Variants in MACROD2 observed in about 807,000 individuals in gnomAD.
MACROD2 encodes the protein mono-ADP ribosylhydrolase 2, also known as ADP-ribose glycohydrolase MACROD2.
In MACROD2, 36 loss-of-function variants were observed where a neutral mutation model predicts 70.4. The observed-to-expected ratio is 0.51, with a 90% CI of 0.39 to 0.68. MACROD2 has a LOEUF of 0.68. Ranked by LOEUF, MACROD2 falls within the 30% of genes least tolerant of loss-of-function variation. The pLI, the probability that MACROD2 is intolerant of heterozygous loss-of-function variation, is 0.00. For missense variants in MACROD2, 496 were observed against 538.4 expected (o/e 0.92, Z 0.78); for synonymous variants, 172 against 178.8 (o/e 0.96, Z 0.30).
Position 15,346,255 on chromosome 20 carries a change from T to C in MACROD2, c.541-85150T>C, listed in dbSNP as rs151222055. Among the ~76,000 whole-genome samples the C allele has an allele frequency of 2.4e-3, 362 of 152,262 alleles. 2 individuals carry two copies. The highest frequency in any genetic ancestry group is 3.4e-3 in the Admixed American group (52 of 15,276). On this transcript the variant is annotated intron_variant, in intron 6 of 17. Coordinates refer to ENST00000684519, the MANE Select transcript of MACROD2 (RefSeq NM_001351661.2). ...GCATGAACCAAAAGGTAGATATCTT[T>C]AAACACTAGGTTGGGTTTTGGGAGC... is the stretch of plus-strand genomic sequence containing the variant.
intron 3 of MACROD2, among the ~76,000 whole-genome samples, chr20:14,194,908 G>C (rs2081417345): frequency 6.6e-6 from 1 of 152,076 alleles, no homozygotes; most frequent in African/African-American, 2.4e-5. Flanking sequence ...TGCAATTCAG[G>C]TGAGAGAATA....
chr20:14,784,078 A>C (rs1259262800), intron 5 of MACROD2, among the ~76,000 whole-genome samples: 1 of 152,056 alleles, frequency 6.6e-6, no homozygotes, highest in Non-Finnish European at 1.5e-5. Flanking sequence ...GATGTCCTGA[A>C]ACATCATCTA....
chr20:15,100,744 A>G (rs1353345178), intron 5 of MACROD2, among the ~76,000 whole-genome samples: 2 of 152,176 alleles, frequency 1.3e-5, no homozygotes, highest in South Asian at 2.1e-4. Context: ...TCTGCAGATC[A>G]GAGCTCTGTG....
chr20:15,319,473 A>T (rs766229686), intron 6 of MACROD2, among the ~76,000 whole-genome samples: 2 of 152,220 alleles, frequency 1.3e-5, no homozygotes, highest in Non-Finnish European at 2.9e-5. Flanking sequence ...AATAGCATTA[A>T]TCCAAAATCT....
chr20:14,984,109 C>G (rs763206767), intron 5 of MACROD2, among the ~76,000 whole-genome samples: 67 of 152,186 alleles, frequency 4.4e-4, no homozygotes, highest in Non-Finnish European at 8.7e-4. Context: ...TACAATAGCC[C>G]ACTCCTCTGA....
intron 6 of MACROD2, among the ~76,000 whole-genome samples, chr20:15,333,165 ATCT>A (rs1345917525): frequency 4.6e-5 from 7 of 151,700 alleles, no homozygotes; most frequent in African/African-American, 1.7e-4. Flanking sequence ...CATCAACCTG[ATCT>A]TCTTAGAAGT....
At chr20:15,134,777 T>G (rs1282338029) in intron 5 of MACROD2, among the ~76,000 whole-genome samples, 2 of 152,074 alleles carry the variant, frequency 1.3e-5, no homozygotes, top group Non-Finnish European at 2.9e-5. Context: ...ATGAATCCAG[T>G]TGCTGGTTTT....
chr20:14,388,798 G>A (rs553366752), intron 3 of MACROD2, among the ~76,000 whole-genome samples: 67 of 152,120 alleles, frequency 4.4e-4, no homozygotes, highest in African/African-American at 1.5e-3. Context: ...TGGGTCCCAT[G>A]GTGGTTATTC....
rs1455188072 is a variant in MACROD2 at position 15,499,814 on chromosome 20, C to A, written c.612C>A (p.Thr204=). 2 of 1,613,718 alleles carry A rather than the reference C, an allele frequency of 1.2e-6. No homozygotes were observed. Among genetic ancestry groups the A allele is most frequent in the African/African-American group, 2.7e-5 (2 of 74,914 alleles). The change falls in exon 8 of 18, where the codon ACC becomes ACA. Residue 204 remains threonine (T), a synonymous_variant. Transcript: ENST00000684519. ...NEPAAVIALN[T]IKEWLAKNHH... The stretch of plus-strand genomic sequence containing the variant: ...CTGCTGCAGTCATTGCCCTCAACAC[C>A]ATTAAGGAATGGCTTGCCAAGAATC...
intron 5 of MACROD2, among the ~76,000 whole-genome samples, chr20:14,699,956 T>C (rs569888980): frequency 1.4e-5 from 2 of 147,246 alleles, no homozygotes; most frequent in South Asian, 2.1e-4. Flanking sequence ...AAGTTTAAAG[T>C]TTAAACTTTT....
chr20:14,965,800 G>T (rs150909205), intron 5 of MACROD2, among the ~76,000 whole-genome samples: 1 of 151,896 alleles, frequency 6.6e-6, no homozygotes, highest in Non-Finnish European at 1.5e-5. Flanking sequence ...CATCATAGAG[G>T]TGATAAATTT....
At chr20:14,262,986 C>T (rs1296134007) in intron 3 of MACROD2, among the ~76,000 whole-genome samples, 1 of 151,990 alleles carries the variant, frequency 6.6e-6, no homozygotes, top group Non-Finnish European at 1.5e-5. Flanking sequence ...TGGAAAACCA[C>T]TTAAATAGAT....
chr20:15,822,975 G>C (rs1434768216), intron 8 of MACROD2, among the ~76,000 whole-genome samples: 4 of 152,100 alleles, frequency 2.6e-5, no homozygotes, highest in Admixed American at 2.6e-4. Context: ...CCGGCACGTT[G>C]GTTTCCACTA....
intron 5 of MACROD2, among the ~76,000 whole-genome samples, chr20:14,825,759 C>A (rs1352285994): frequency 1.3e-5 from 2 of 152,072 alleles, no homozygotes; most frequent in Non-Finnish European, 2.9e-5. Flanking sequence ...TTATTCATGG[C>A]CTTCACATTT....
At chr20:15,992,948 A>T (rs1271912767) in intron 15 of MACROD2, among the ~76,000 whole-genome samples, 3 of 152,328 alleles carry the variant, frequency 2.0e-5, no homozygotes, top group South Asian at 2.1e-4. Context: ...AAAAAGATTA[A>T]TGTGTACCTT....
intron 3 of MACROD2, among the ~76,000 whole-genome samples, chr20:14,454,784 G>A (rs1600253569): frequency 1.7e-5 from 2 of 116,414 alleles, no homozygotes; most frequent in African/African-American, 6.9e-5. Flanking sequence ...ACGGAGTCTT[G>A]CTCTGTCGCC....
intron 7 of MACROD2, among the ~76,000 whole-genome samples, chr20:15,474,876 C>T (rs1040854607): frequency 2.0e-5 from 3 of 152,100 alleles, no homozygotes; most frequent in African/African-American, 4.8e-5. Context: ...GTCCTGTAGG[C>T]ATATGTCTCC....
intron 8 of MACROD2, among the ~76,000 whole-genome samples, chr20:15,840,619 T>C (rs1310214899): frequency 6.6e-6 from 1 of 152,190 alleles, no homozygotes; most frequent in Non-Finnish European, 1.5e-5. Flanking sequence ...AATATTATTA[T>C]AAGCCCAAAG....
intron 4 of MACROD2, among the ~76,000 whole-genome samples, chr20:14,606,110 G>A (rs1215681855): frequency 1.3e-5 from 2 of 152,030 alleles, no homozygotes; most frequent in Non-Finnish European, 2.9e-5. Flanking sequence ...AGCATGGCAT[G>A]GAATAATACT....
Sources: allele counts gnomAD v4.1 joint callset (sites outside exome capture counted in the v4.1 genomes callset), GRCh38; gene constraint gnomAD v4.1.1; transcripts MANE v1.5; gene names NCBI Gene and HGNC (gene_info 2026-07-23, HGNC 2026-07-21).